The following MYO3B variants were observed in gnomAD, a reference collection of about 807,000 sequenced individuals.
The protein encoded by MYO3B is myosin-IIIb.
Under a neutral mutation model 174.6 loss-of-function variants are expected in MYO3B, and 156 were observed. The observed-to-expected ratio is 0.89, with a 90% CI of 0.78 to 1.02. The LOEUF (loss-of-function observed/expected upper bound fraction) is 1.02. Ranked by LOEUF, MYO3B falls within the 50% of genes least tolerant of loss-of-function variation. MYO3B has a pLI of 0.00. For missense variants in MYO3B, 1,632 were observed against 1,639.4 expected (o/e 1.00, Z 0.08); for synonymous variants, 563 against 569.1 (o/e 0.99, Z 0.15).
chr2:170,629,826 C>T (rs10183897), intron 32 of MYO3B, among the ~76,000 whole-genome samples: 10,296 of 152,170 alleles, frequency 0.068, 1,170 homozygotes, highest in African/African-American at 0.23. Context: ...CTCCAGCCTG[C>T]GCAACAGAGC....
At chr2:170,243,822 A>T (rs1171360556) in intron 7 of MYO3B, among the ~76,000 whole-genome samples, 1 of 152,144 alleles carries the variant, frequency 6.6e-6, no homozygotes, top group African/African-American at 2.4e-5. Flanking sequence ...TTGTATGAGG[A>T]ATTAAGAGAG....
intron 30 of MYO3B, among the ~76,000 whole-genome samples, chr2:170,526,832 A>G (rs548040140): frequency 1.3e-5 from 2 of 152,336 alleles, no homozygotes; most frequent in South Asian, 4.1e-4. Flanking sequence ...TATCTGAACT[A>G]TTTCAACAAA....
chr2:170,283,810 A>G (rs1257195988), intron 7 of MYO3B, among the ~76,000 whole-genome samples: 1 of 152,222 alleles, frequency 6.6e-6, no homozygotes, highest in East Asian at 1.9e-4. Flanking sequence ...TGAAAGTAGC[A>G]CATTATATTT....
In MYO3B at chr2:170,382,008, A is replaced by G. The variant is rs772740262; in HGVS notation, c.972-8A>G. 1.2e-6 allele frequency: 2 copies of G among 1,609,712 alleles called. No individual in the cohort carries two copies. The highest frequency in any genetic ancestry group is 2.7e-5 in the African/African-American group (2 of 74,984). Reference sequence around the variant, plus strand: ...CTTAATGCTTAAACTCTCTTGATAAATTTCTAGGCATGAGAGGATGCATAC... The same window carrying G: ...CTTAATGCTTAAACTCTCTTGATAAGTTTCTAGGCATGAGAGGATGCATAC... On this transcript the variant is annotated splice_polypyrimidine_tract_variant and splice_region_variant and intron_variant, in intron 9 of 34. Transcript: ENST00000408978.
intron 32 of MYO3B, among the ~76,000 whole-genome samples, chr2:170,607,875 G>A (rs945535927): frequency 1.3e-5 from 2 of 152,170 alleles, no homozygotes; most frequent in Non-Finnish European, 2.9e-5. Flanking sequence ...AACAAAGCTT[G>A]TAGAAATCAG....
chr2:170,544,093 A>G, intron 32 of MYO3B, 105 bp downstream of exon 32: 1 of 843,076 alleles, frequency 1.2e-6, no homozygotes, highest in South Asian at 1.8e-5. Flanking sequence ...AATATGACCA[A>G]ATGTTGGCAA....
chr2:170,283,258 C>T (rs577202771), intron 7 of MYO3B, among the ~76,000 whole-genome samples: 1 of 152,078 alleles, frequency 6.6e-6, no homozygotes, highest in South Asian at 2.1e-4. Flanking sequence ...TTATAGGAGC[C>T]TAAGGTGAGA....
At chr2:170,438,950 C>A (rs2094777823) in intron 22 of MYO3B, among the ~76,000 whole-genome samples, 1 of 151,694 alleles carries the variant, frequency 6.6e-6, no homozygotes, top group Non-Finnish European at 1.5e-5. Flanking sequence ...GGTAATATTT[C>A]ATCTCATTAT....
intron 3 of MYO3B, among the ~76,000 whole-genome samples, chr2:170,213,176 A>C (rs1559303710): frequency 2.6e-5 from 4 of 152,326 alleles, no homozygotes; most frequent in African/African-American, 9.6e-5. Flanking sequence ...AAAGTATTGT[A>C]GCAGGACAAG....
intron 14 of MYO3B, among the ~76,000 whole-genome samples, chr2:170,389,367 C>T (rs1455536409): frequency 1.3e-5 from 2 of 152,174 alleles, no homozygotes; most frequent in Admixed American, 1.3e-4. Flanking sequence ...AAGATGGGGG[C>T]TGCTCTGCCA....
At chr2:170,401,949 C>T (rs112007410) in intron 18 of MYO3B, among the ~76,000 whole-genome samples, 3,154 of 152,138 alleles carry the variant, frequency 0.021, 133 homozygotes, top group African/African-American at 0.073. Flanking sequence ...ATTACAGGCG[C>T]GTGCCACCAC....
intron 22 of MYO3B, among the ~76,000 whole-genome samples, chr2:170,429,021 G>A (rs946836154): frequency 1.3e-5 from 2 of 152,206 alleles, no homozygotes; most frequent in East Asian, 1.9e-4. Context: ...ACAATGGGAA[G>A]CTAACAGCGT....
intron 32 of MYO3B, among the ~76,000 whole-genome samples, chr2:170,650,142 C>T (rs922031408): frequency 4.8e-5 from 7 of 146,456 alleles, no homozygotes; most frequent in Admixed American, 2.9e-4. Context: ...AAGTGATTCT[C>T]CTGCCTCAGC....
intron 7 of MYO3B, among the ~76,000 whole-genome samples, chr2:170,327,927 A>T (rs2093881190): frequency 6.6e-6 from 1 of 150,668 alleles, no homozygotes; most frequent in South Asian, 2.1e-4. Flanking sequence ...TTTGAAAGAC[A>T]GTCTCACTTT....
At chr2:170,335,745 G>C (rs895449523) in intron 8 of MYO3B, among the ~76,000 whole-genome samples, 2 of 152,164 alleles carry the variant, frequency 1.3e-5, no homozygotes, top group Non-Finnish European at 2.9e-5. Context: ...AATGGGGAGA[G>C]ATGAAACATC....
chr2:170,467,638 C>G (rs116038979), intron 25 of MYO3B, among the ~76,000 whole-genome samples: 1 of 151,668 alleles, frequency 6.6e-6, no homozygotes, highest in African/African-American at 2.4e-5. Flanking sequence ...AAAAAAAATA[C>G]ATTGTAGAAT....
intron 3 of MYO3B, among the ~76,000 whole-genome samples, chr2:170,212,263 T>C (rs1019605799): frequency 3.2e-4 from 46 of 142,162 alleles, no homozygotes; most frequent in African/African-American, 1.1e-3. Flanking sequence ...AAAAAAAAAG[T>C]CTGGGGGAAG....
intron 22 of MYO3B, among the ~76,000 whole-genome samples, chr2:170,430,965 T>G (rs1359306666): frequency 2.0e-5 from 3 of 152,176 alleles, no homozygotes; most frequent in Non-Finnish European, 4.4e-5. Context: ...GTGGGGAATT[T>G]GAATACATCC....
chr2:170,412,906 C>G (rs2094554920), intron 22 of MYO3B, among the ~76,000 whole-genome samples: 2 of 152,252 alleles, frequency 1.3e-5, no homozygotes, highest in South Asian at 4.1e-4. Flanking sequence ...TACAAAGAGA[C>G]CCACTTCTTT....
Sources: gnomAD v4.1 joint callset for allele counts (sites outside exome capture counted in the v4.1 genomes callset) on GRCh38, gnomAD v4.1.1 for gene constraint, MANE v1.5 for transcripts, NCBI Gene and HGNC (gene_info 2026-07-23, HGNC 2026-07-21) for gene names.